Variants in MIA2 observed in about 807,000 individuals in gnomAD.
MIA2 encodes MIA SH3 domain ER export factor 2.
Under a neutral mutation model 167.8 loss-of-function variants are expected in MIA2, and 127 were observed. That is an observed-to-expected ratio of 0.76 (90% CI 0.66 to 0.88). The LOEUF (loss-of-function observed/expected upper bound fraction) is 0.88. MIA2 is among the 40% of genes least tolerant of loss of function. The probability of loss-of-function intolerance (pLI) is 0.00; values close to 1 mark genes in which losing one functional copy is unlikely to be tolerated. For synonymous variants in MIA2, 552 were observed against 541.9 expected (o/e 1.02, Z -0.26); for missense variants, 1,690 against 1,624.7 (o/e 1.04, Z -0.69).
At chr14:39,285,066 G>C (rs1411789270) in intron 9 of MIA2, among the ~76,000 whole-genome samples, 1 of 152,162 alleles carries the variant, frequency 6.6e-6, no homozygotes, top group South Asian at 2.1e-4. Context: ...CACAGGGTTG[G>C]GGGTAAGGTC....
chr14:39,242,586 G>C (rs139276903), intron 3 of MIA2, among the ~76,000 whole-genome samples: 2 of 151,770 alleles, frequency 1.3e-5, no homozygotes, highest in Non-Finnish European at 2.9e-5. Context: ...GCCTCCCAAA[G>C]TGCTGGAATT....
chr14:39,269,914 T>A (rs1056701586), intron 6 of MIA2, among the ~76,000 whole-genome samples: 38 of 152,238 alleles, frequency 2.5e-4, no homozygotes, highest in African/African-American at 8.9e-4. Context: ...TAATACTTTT[T>A]GGCTATTATG....
intron 23 of MIA2, among the ~76,000 whole-genome samples, chr14:39,375,622 G>A (rs1440855020): frequency 6.6e-6 from 1 of 152,146 alleles, no homozygotes; most frequent in African/African-American, 2.4e-5. Flanking sequence ...GCTTGAACCC[G>A]GGAGACAGAA....
intron 24 of MIA2, 94 bp downstream of exon 24, chr14:39,321,150 G>GA: frequency 8.2e-7 from 1 of 1,219,642 alleles, no homozygotes; most frequent in Non-Finnish European, 1.1e-6. Context: ...AAAATATTTG[G>GA]AAAATACAGG....
chr14:39,285,464 G>C (rs1355609661), intron 9 of MIA2, among the ~76,000 whole-genome samples: 1 of 146,096 alleles, frequency 6.8e-6, no homozygotes, highest in Non-Finnish European at 1.5e-5. Flanking sequence ...GCGGCTGGCC[G>C]GGCGGGGGCT....
chr14:39,333,915 C>A (rs1174739012), intron 25 of MIA2, among the ~76,000 whole-genome samples: 1 of 152,112 alleles, frequency 6.6e-6, no homozygotes, highest in Non-Finnish European at 1.5e-5. Flanking sequence ...AAATAATGAA[C>A]CTGATCCCTG....
At chr14:39,246,822 T>G (rs777638725) in intron 3 of MIA2, 89 bp from the exon 4 acceptor site, 6 of 704,068 alleles carry the variant, frequency 8.5e-6, no homozygotes, top group Non-Finnish European at 1.1e-5. Flanking sequence ...GTCTTGGGAA[T>G]ATCACAATCA....
chr14:39,373,695 C>T (rs2074994241), intron 23 of MIA2, among the ~76,000 whole-genome samples: 2 of 152,072 alleles, frequency 1.3e-5, no homozygotes, highest in East Asian at 1.9e-4. Flanking sequence ...GTGGTGTGCA[C>T]CTGTAATCCC....
At chr14:39,273,104 T>A (rs1483740678) in intron 6 of MIA2, among the ~76,000 whole-genome samples, 1 of 152,210 alleles carries the variant, frequency 6.6e-6, no homozygotes, top group Non-Finnish European at 1.5e-5. Flanking sequence ...AAACAGTTTT[T>A]CTTCTTCCTT....
At chr14:39,359,199 C>T (rs1422166600) in intron 23 of MIA2, among the ~76,000 whole-genome samples, 1 of 152,212 alleles carries the variant, frequency 6.6e-6, no homozygotes, top group Non-Finnish European at 1.5e-5. Flanking sequence ...ATGTGCTCCA[C>T]CCAATTCGAG....
At chr14:39,337,332 T>C (rs2070664071) in intron 25 of MIA2, among the ~76,000 whole-genome samples, 2 of 152,210 alleles carry the variant, frequency 1.3e-5, no homozygotes, top group Admixed American at 6.5e-5. Context: ...AATCCAGTTA[T>C]AATTGGAGAC....
intron 6 of MIA2, chr14:39,266,045 G>C (rs1158017175): frequency 1.0e-6 from 1 of 985,314 alleles, no homozygotes; most frequent in Non-Finnish European, 1.2e-6. Flanking sequence ...TGTGAACTTG[G>C]GCCAGTTTTT....
chr14:39,360,006 T>G (rs2074642446), intron 23 of MIA2, among the ~76,000 whole-genome samples: 1 of 151,446 alleles, frequency 6.6e-6, no homozygotes, highest in African/African-American at 2.4e-5. Flanking sequence ...TTTTTTTTTT[T>G]TTTTTGTCTT....
At chr14:39,323,840 C>A (rs1382643325) in intron 24 of MIA2, among the ~76,000 whole-genome samples, 2 of 152,078 alleles carry the variant, frequency 1.3e-5, no homozygotes, top group East Asian at 3.9e-4. Flanking sequence ...TATTTCCTCT[C>A]CTATTTAATT....
intron 23 of MIA2, among the ~76,000 whole-genome samples, chr14:39,358,631 A>T (rs1019297811): frequency 5.3e-5 from 8 of 152,018 alleles, no homozygotes; most frequent in Non-Finnish European, 7.4e-5. Context: ...AGGCTCTCTG[A>T]TTTTTAGAAT....
At chr14:39,319,364 C>T in intron 23 of MIA2, 73 bp downstream of exon 23, 2 of 700,008 alleles carry the variant, frequency 2.9e-6, no homozygotes, top group Non-Finnish European at 4.2e-6. Context: ...CATATAGTTT[C>T]TATTAGTGTA....
chr14:39,333,189 G>C (rs1042071958), intron 25 of MIA2, among the ~76,000 whole-genome samples: 36 of 151,972 alleles, frequency 2.4e-4, no homozygotes, highest in Admixed American at 2.4e-3. Context: ...TTCCCTTAAG[G>C]ATGGGTCACA....
rs553281619 is a variant in MIA2 at position 39,327,414 on chromosome 14, C to G, written c.3655+392C>G. 3.3e-5 allele frequency among the ~76,000 whole-genome samples: 5 copies of G among 152,232 alleles called. 1 individual carries two copies. The highest frequency in any genetic ancestry group is 1.2e-4 in the African/African-American group (5 of 41,560). ...TTTGGGTATACATTTATACACATAGCTGTTCAAATTCTTTTAATCACTCTG... is the reference window on the plus strand; with the variant it reads ...TTTGGGTATACATTTATACACATAGGTGTTCAAATTCTTTTAATCACTCTG... On this transcript the variant is annotated intron_variant, in intron 25 of 28. Transcript: ENST00000640607.
At chr14:39,376,236 G>C (rs967204186) in intron 23 of MIA2, among the ~76,000 whole-genome samples, 2 of 152,198 alleles carry the variant, frequency 1.3e-5, no homozygotes, top group Non-Finnish European at 2.9e-5. Context: ...TTACAGGAGT[G>C]AGCCACTGCG....
Sources: allele counts gnomAD v4.1 joint callset (sites outside exome capture counted in the v4.1 genomes callset), GRCh38; gene constraint gnomAD v4.1.1; transcripts MANE v1.5; gene names NCBI Gene and HGNC (gene_info 2026-07-23, HGNC 2026-07-21).